ALDH2: variants seen among roughly 807,000 people sequenced by gnomAD.
ALDH2 encodes aldehyde dehydrogenase, mitochondrial.
In ALDH2, 44 loss-of-function variants were observed where a neutral mutation model predicts 59.6. That is an observed-to-expected ratio of 0.74 (90% CI 0.58 to 0.95). ALDH2 has a LOEUF of 0.95. Among genes scored for constraint, ALDH2 ranks in the 40% least tolerant of loss-of-function variants. The pLI, the probability that ALDH2 is intolerant of heterozygous loss-of-function variation, is 0.00. For synonymous variants in ALDH2, 291 were observed against 284.0 expected (o/e 1.02, Z -0.25); for missense variants, 570 against 696.3 (o/e 0.82, Z 2.04).
At chr12:111,805,263 A>G (rs191673261) in intron 12 of ALDH2, among the ~76,000 whole-genome samples, 352 of 152,302 alleles carry the variant, frequency 2.3e-3, no homozygotes, top group Non-Finnish European at 3.7e-3. Context: ...GCATGCCTGT[A>G]GTCCCAGCTA....
At chr12:111,783,129 G>T in intron 2 of ALDH2, 29 bp from the exon 3 acceptor site, 4 of 1,595,922 alleles carry the variant, frequency 2.5e-6, no homozygotes, top group Non-Finnish European at 3.4e-6. Context: ...AGTTTTCCAG[G>T]AAGGCTTGAG....
intron 11 of ALDH2, among the ~76,000 whole-genome samples, chr12:111,803,352 C>G (rs1296538532): frequency 6.6e-6 from 1 of 151,030 alleles, no homozygotes; most frequent in Non-Finnish European, 1.5e-5. Context: ...AATCCCAGTG[C>G]TTTGGGAGCC....
In ALDH2 at chr12:111,766,943, C is replaced by CTCTGCTCTCGG; in HGVS notation, c.-37_-27dup. The CTCTGCTCTCGG allele has an allele frequency of 6.7e-7, 1 of 1,495,922 alleles. No individual in the cohort carries two copies. Among genetic ancestry groups the CTCTGCTCTCGG allele is most frequent in the South Asian group, 1.2e-5 (1 of 81,252 alleles). The allele number at this position is 1,495,922 out of a possible 1,614,324, so 92.7% of individuals were successfully genotyped here. A position where few individuals can be genotyped will look rare whatever the true frequency, so the allele number is the denominator to read the frequency against. On this transcript the variant is annotated 5_prime_UTR_variant, in exon 1 of 13. Transcript: ENST00000261733. ...CGGCTCAGTGGCCCTGAGACCCTAG[C>CTCTGCTCTCGG]TCTGCTCTCGGTCCGCTCGCTGTCC...
At chr12:111,775,734 C>T (rs968407689) in intron 1 of ALDH2, 2 of 454,016 alleles carry the variant, frequency 4.4e-6, no homozygotes, top group South Asian at 1.6e-5. Flanking sequence ...AGTCGAGCTT[C>T]GGGTTTCTGG....
Position 111,813,881 on chromosome 12 carries a change from G to C in ALDH2, c.*4306G>C, listed in dbSNP as rs1307154628. On this transcript the variant is annotated 3_prime_UTR_variant, in exon 13 of 13. Transcript: ENST00000261733. The stretch of plus-strand genomic sequence containing the variant: ...GAAAATGTTTTGGAACCAGATACAG[G>C]TGGTGGTTGTACAACATTGTGAATT... 6.6e-6 allele frequency: 1 copy of C among 152,216 alleles called. No individual in the cohort carries two copies. 9.4% of individuals were successfully genotyped at this position (152,216 alleles called of 1,614,324 possible). A position where few individuals can be genotyped will look rare whatever the true frequency, so the allele number is the denominator to read the frequency against.
intron 1 of ALDH2, among the ~76,000 whole-genome samples, chr12:111,772,808 G>A (rs1369182098): frequency 1.3e-5 from 2 of 151,792 alleles, no homozygotes; most frequent in East Asian, 3.9e-4. Context: ...AGAGGCACTG[G>A]GATTATAGGC....
Position 111,809,638 on chromosome 12 carries a change from CA to C in ALDH2, c.*65del. ...AGTTCAGCAAGATCAGCAACAAAAC[CA>C]AGAAAAATGATCCTTGCGTGCTGAA... On this transcript the variant is annotated 3_prime_UTR_variant, in exon 13 of 13. Coordinates refer to ENST00000261733, the MANE Select transcript of ALDH2 (RefSeq NM_000690.4). 6.4e-7 allele frequency: 1 copy of C among 1,573,444 alleles called. No homozygotes were observed. Among genetic ancestry groups the C allele is most frequent in the Non-Finnish European group, 8.7e-7 (1 of 1,145,110 alleles).
chr12:111,807,485 C>T (rs1360010916), intron 12 of ALDH2, among the ~76,000 whole-genome samples: 2 of 152,070 alleles, frequency 1.3e-5, no homozygotes, highest in Non-Finnish European at 1.5e-5. Flanking sequence ...GTTATGACAT[C>T]GGATAAAAGG....
chr12:111,778,442 G>A (rs1054143185), intron 1 of ALDH2, among the ~76,000 whole-genome samples: 17 of 151,744 alleles, frequency 1.1e-4, no homozygotes, highest in African/African-American at 4.1e-4. Context: ...CTACTCAGGA[G>A]GCTGAGGCAG....
intron 11 of ALDH2, among the ~76,000 whole-genome samples, chr12:111,801,382 T>C (rs1455376339): frequency 6.6e-6 from 1 of 152,144 alleles, no homozygotes; most frequent in Admixed American, 6.5e-5. Flanking sequence ...CATGGATTAA[T>C]CTTGAACATA....
Position 111,791,237 on chromosome 12 carries a change from G to A in ALDH2, c.682-69G>A, listed in dbSNP as rs2068356272. ...TCCCACCCTCTCTGAGAAAGGATGT[G>A]TCTTCCCCTGGTTGAGCCCTTCAGA... On this transcript the variant is annotated intron_variant, in intron 6 of 12. Transcript: ENST00000261733. 2.5e-6 allele frequency: 3 copies of A among 1,191,548 alleles called. No homozygotes were observed. The South Asian group carries it at 3.9e-5, about 15-fold the overall frequency. The allele number at this position is 1,191,548 out of a possible 1,614,324, so 73.8% of individuals were successfully genotyped here. A position where few individuals can be genotyped will look rare whatever the true frequency, so the allele number is the denominator to read the frequency against.
In ALDH2 at chr12:111,809,900, C is replaced by T; in HGVS notation, c.*325C>T. 1 of 415,360 alleles carries T rather than the reference C, an allele frequency of 2.4e-6. No homozygotes were observed. Among genetic ancestry groups the T allele is most frequent in the East Asian group, 4.4e-5 (1 of 22,606 alleles). 25.7% of individuals were successfully genotyped at this position (415,360 alleles called of 1,614,324 possible). ...TAGGGGAAGAAAAAGCTATTGTTTA[C>T]AATTATATCACCATTAAGGCAACTG... On this transcript the variant is annotated 3_prime_UTR_variant, in exon 13 of 13. Coordinates refer to ENST00000261733, the MANE Select transcript of ALDH2 (RefSeq NM_000690.4).
At chr12:111,778,302 T>C (rs554159517) in intron 1 of ALDH2, among the ~76,000 whole-genome samples, 18 of 152,228 alleles carry the variant, frequency 1.2e-4, no homozygotes, top group African/African-American at 4.3e-4. Context: ...CCCAGCACTT[T>C]GGGAGGCCGA....
chr12:111,775,233 TCCTGGCAC>T (rs2068226493), intron 1 of ALDH2, among the ~76,000 whole-genome samples: 1 of 152,154 alleles, frequency 6.6e-6, no homozygotes, highest in Admixed American at 6.5e-5. Flanking sequence ...CAAGTGCAGA[TCCTGGCAC>T]ACAGCAGGTA....
rs369822900 is a variant in ALDH2, at chr12:111,799,868, G to A, written c.1249-38G>A. 87 of 1,587,716 alleles carry A rather than the reference G, an allele frequency of 5.5e-5. 1 individual carries two copies. Among genetic ancestry groups the A allele is most frequent in the Middle Eastern group, 5.0e-4 (3 of 5,954 alleles). ...AGAGAGCTCGATGGCAGGTGCCTCC[G>A]TGTTGCCGAACCCTCCTACGCTGCT... On this transcript the variant is annotated intron_variant, in intron 10 of 12. Coordinates refer to ENST00000261733, the MANE Select transcript of ALDH2 (RefSeq NM_000690.4).
intron 10 of ALDH2, among the ~76,000 whole-genome samples, chr12:111,799,663 C>T (rs907416854): frequency 6.6e-6 from 1 of 152,156 alleles, no homozygotes; most frequent in Non-Finnish European, 1.5e-5. Context: ...ACATACCTGG[C>T]AGGATTGTTT....
At chr12:111,794,257 A>G (rs1340273584) in intron 9 of ALDH2, among the ~76,000 whole-genome samples, 2 of 151,994 alleles carry the variant, frequency 1.3e-5, no homozygotes, top group African/African-American at 4.8e-5. Context: ...TGACCTCGTG[A>G]TCCACCCACC....
At position 111,783,177 on chromosome 12, in the gene ALDH2, T is replaced by C. The variant is rs140347209; in HGVS notation, c.239T>C (p.Val80Ala). The C allele has an allele frequency of 3.3e-5, 53 of 1,612,452 alleles. No homozygotes were observed. The African/African-American group carries it at 6.5e-4, about 20-fold the overall frequency. ...EGDKEDVDKAVKAARAAFQLG... is the reference protein window; with the variant it reads ...EGDKEDVDKAAKAARAAFQLG... ...TTCTAGGAAGATGTGGACAAGGCAGTGAAGGCCGCCCGGGCCGCCTTCCAG... is the reference window on the plus strand; with the variant it reads ...TTCTAGGAAGATGTGGACAAGGCAGCGAAGGCCGCCCGGGCCGCCTTCCAG... The change falls in exon 3 of 13, where the codon GTG (valine) becomes GCG (alanine). Residue 80 changes from valine (V) to alanine (A), a missense_variant. By Grantham distance (64) the Val-to-Ala change is moderately conservative. Transcript: ENST00000261733.
At chr12:111,792,451 A>G in intron 8 of ALDH2, 147 bp from the exon 9 acceptor site, 1 of 970,320 alleles carries the variant, frequency 1.0e-6, no homozygotes, top group East Asian at 2.6e-5. Context: ...CTCCGAGAGC[A>G]CCCCTCATCT....
Sources: allele counts gnomAD v4.1 joint callset (sites outside exome capture counted in the v4.1 genomes callset), GRCh38; gene constraint gnomAD v4.1.1; transcripts MANE v1.5; gene names NCBI Gene and HGNC (gene_info 2026-07-23, HGNC 2026-07-21).